Variants in AGBL4 observed in about 807,000 individuals in gnomAD.
The protein encoded by AGBL4 is cytosolic carboxypeptidase 6.
AGBL4 carries 58 observed loss-of-function variants against 66.4 expected under a neutral mutation model. The observed-to-expected ratio is 0.87, with a 90% CI of 0.71 to 1.09. The LOEUF (loss-of-function observed/expected upper bound fraction) is 1.09. AGBL4 is among the 50% of genes least tolerant of loss of function. AGBL4 has a pLI of 0.00. For synonymous variants in AGBL4, 234 were observed against 222.9 expected (o/e 1.05, Z -0.44); for missense variants, 579 against 631.0 (o/e 0.92, Z 0.88).
At chr1:49,733,630 T>A (rs1649629192) in intron 2 of AGBL4, among the ~76,000 whole-genome samples, 2 of 152,118 alleles carry the variant, frequency 1.3e-5, no homozygotes, top group African/African-American at 4.8e-5. Flanking sequence ...GGAAACTGAA[T>A]CCCCATTGCA....
At chr1:49,166,573 G>C (rs1646639388) in intron 4 of AGBL4, among the ~76,000 whole-genome samples, 2 of 151,822 alleles carry the variant, frequency 1.3e-5, no homozygotes, top group African/African-American at 4.8e-5. Flanking sequence ...TTATAGACTT[G>C]AGTTGAATAA....
chr1:49,133,046 A>T (rs1311121515), intron 4 of AGBL4, among the ~76,000 whole-genome samples: 1 of 152,236 alleles, frequency 6.6e-6, no homozygotes, highest in East Asian at 1.9e-4. Context: ...ACACCATGGA[A>T]TATTATGCAG....
At chr1:49,816,386 G>T (rs1645231234) in intron 2 of AGBL4, among the ~76,000 whole-genome samples, 1 of 152,136 alleles carries the variant, frequency 6.6e-6, no homozygotes, top group African/African-American at 2.4e-5. Flanking sequence ...GGTTCCAAAA[G>T]GTCTAGGTAA....
chr1:49,389,338 C>T (rs1474844449), intron 3 of AGBL4, among the ~76,000 whole-genome samples: 1 of 152,082 alleles, frequency 6.6e-6, no homozygotes, highest in African/African-American at 2.4e-5. Flanking sequence ...TAAATCCATC[C>T]TACATGTCTC....
intron 6 of AGBL4, among the ~76,000 whole-genome samples, chr1:48,809,161 T>C (rs561565627): frequency 6.6e-6 from 1 of 152,220 alleles, no homozygotes; most frequent in Admixed American, 6.5e-5. Flanking sequence ...TGTGTGTCCC[T>C]GAGATTAGTT....
chr1:48,730,767 T>G (rs772551924), intron 6 of AGBL4, among the ~76,000 whole-genome samples: 4 of 152,222 alleles, frequency 2.6e-5, no homozygotes, highest in Non-Finnish European at 4.4e-5. Context: ...TTGAGATTAT[T>G]GCTTAATTAA....
At chr1:49,192,677 C>A (rs1039382855) in intron 4 of AGBL4, among the ~76,000 whole-genome samples, 1 of 152,182 alleles carries the variant, frequency 6.6e-6, no homozygotes, top group Non-Finnish European at 1.5e-5. Context: ...TGTAAAAGGG[C>A]ATTTTAGTAT....
At chr1:49,912,045 G>A (rs1214791946) in intron 1 of AGBL4, among the ~76,000 whole-genome samples, 1 of 152,190 alleles carries the variant, frequency 6.6e-6, no homozygotes, top group East Asian at 1.9e-4. Flanking sequence ...TCTTCTTGCT[G>A]TGGTTGAGGA....
chr1:49,839,138 A>C (rs573791675), intron 2 of AGBL4, among the ~76,000 whole-genome samples: 1 of 152,368 alleles, frequency 6.6e-6, no homozygotes, highest in African/African-American at 2.4e-5. Context: ...CTCCTTGTTA[A>C]GAAAGCAGAG....
intron 2 of AGBL4, among the ~76,000 whole-genome samples, chr1:49,849,677 A>T (rs1269382008): frequency 3.3e-5 from 5 of 151,988 alleles, no homozygotes; most frequent in African/African-American, 1.2e-4. Context: ...GATACAACCA[A>T]TTATTCATAA....
Position 48,736,229 on chromosome 1 carries a change from A to C in AGBL4, c.635-72988T>G, listed in dbSNP as rs754741517. On this transcript the variant is annotated intron_variant, in intron 6 of 13. Transcript: ENST00000371839. The surrounding 1 kb of genome is among the most constrained non-coding windows in gnomAD (Gnocchi z 4.0). ...AATCCCAGCCATTGTGTTTCCACTC[A>C]GTGACCTACCTCTGACGATGCTTAG... 8 of 1,611,796 alleles carry C rather than the reference A, an allele frequency of 5.0e-6. No individual in the cohort carries two copies. Among genetic ancestry groups the C allele is most frequent in the Non-Finnish European group, 5.9e-6 (7 of 1,177,924 alleles).
chr1:49,855,109 A>G (rs1421446102), intron 1 of AGBL4, among the ~76,000 whole-genome samples: 2 of 152,150 alleles, frequency 1.3e-5, no homozygotes, highest in Non-Finnish European at 2.9e-5. Context: ...TTTAGAAATC[A>G]CCCAGTCTGG....
chr1:48,576,775 C>T (rs560618509), intron 11 of AGBL4, among the ~76,000 whole-genome samples: 1 of 152,190 alleles, frequency 6.6e-6, no homozygotes, highest in Non-Finnish European at 1.5e-5. Context: ...CCTCCTTACT[C>T]CCCAAATCTA....
At chr1:49,665,994 T>A (rs1646358766) in intron 3 of AGBL4, among the ~76,000 whole-genome samples, 1 of 151,438 alleles carries the variant, frequency 6.6e-6, no homozygotes. Flanking sequence ...TATTTTAATA[T>A]TTTTAAAATT....
At chr1:49,051,602 A>G (rs1644212220) in intron 4 of AGBL4, among the ~76,000 whole-genome samples, 1 of 152,142 alleles carries the variant, frequency 6.6e-6, no homozygotes, top group African/African-American at 2.4e-5. Context: ...GGAACAACCA[A>G]GGCTATCACC....
intron 2 of AGBL4, among the ~76,000 whole-genome samples, chr1:49,739,697 G>T (rs1046182568): frequency 6.6e-6 from 1 of 152,162 alleles, no homozygotes; most frequent in Non-Finnish European, 1.5e-5. Context: ...GACTAACAGC[G>T]GATCTCTCGG....
chr1:49,950,032 G>GTA (rs1168768027), intron 1 of AGBL4, among the ~76,000 whole-genome samples: 13 of 40,848 alleles, frequency 3.2e-4, no homozygotes, highest in African/African-American at 9.8e-4. Flanking sequence ...GTGTGTGTGT[G>GTA]TATATATATA....
At chr1:48,928,966 A>C (rs919865373) in intron 5 of AGBL4, among the ~76,000 whole-genome samples, 2 of 152,110 alleles carry the variant, frequency 1.3e-5, no homozygotes, top group Non-Finnish European at 1.5e-5. Flanking sequence ...TGGTTGCTTT[A>C]ATTACAAGAG....
rs550383972 is a variant in AGBL4 at position 49,773,427 on chromosome 1, G to A, written c.158-75990C>T. On this transcript the variant is annotated intron_variant, in intron 2 of 13. Transcript: ENST00000371839. ...AAGTGTTGCTTTTTTCCATTTTATG[G>A]AGTAGCTTTGGTAGCTTTTCCTGTA... Among the ~76,000 whole-genome samples the A allele has an allele frequency of 1.1e-3, 171 of 152,204 alleles. 1 individual carries two copies. Among genetic ancestry groups the A allele is most frequent in the African/African-American group, 4.0e-3 (167 of 41,534 alleles).
Sources: allele counts gnomAD v4.1 joint callset (sites outside exome capture counted in the v4.1 genomes callset), GRCh38; gene constraint gnomAD v4.1.1; non-coding constraint Gnocchi (gnomAD v3.1); transcripts MANE v1.5; gene names NCBI Gene and HGNC (gene_info 2026-07-23, HGNC 2026-07-21).